LRRC37A2: variants seen among roughly 807,000 people sequenced by gnomAD.
The protein encoded by LRRC37A2 is leucine-rich repeat-containing protein 37A2.
In LRRC37A2, 9 loss-of-function variants were observed where a neutral mutation model predicts 68.8. The ratio of observed to expected loss-of-function variants is 0.13; its 90% CI spans 0.08 to 0.23. The LOEUF (loss-of-function observed/expected upper bound fraction) is 0.23. Among genes scored for constraint, LRRC37A2 ranks in the 10% least tolerant of loss-of-function variants. LRRC37A2 has a pLI of 1.00. For synonymous variants in LRRC37A2, 63 were observed against 367.6 expected (o/e 0.17, Z 9.48); for missense variants, 168 against 950.4 (o/e 0.18, Z 10.82).
At chr17:46,772,014 G>C in the LRRC37A2 span, among the ~76,000 whole-genome samples, 2 of 151,280 alleles carry the variant, frequency 1.3e-5, no homozygotes, top group African/African-American at 2.4e-5. Context: ...CGGGCTGCCC[G>C]ACCCGCTGCG....
chr17:46,757,400 T>C, the LRRC37A2 span: 1 of 152,740 alleles, frequency 6.5e-6, no homozygotes, highest in South Asian at 2.1e-4. Flanking sequence ...TGTCCAAAAC[T>C]GTATTGAAAA....
At chr17:46,957,137 C>T in the LRRC37A2 span, among the ~76,000 whole-genome samples, 3 of 152,018 alleles carry the variant, frequency 2.0e-5, no homozygotes, top group Non-Finnish European at 2.9e-5. Context: ...GGTGAAACCC[C>T]GTCTCTACAA....
the LRRC37A2 span, among the ~76,000 whole-genome samples, chr17:46,864,765 C>T: frequency 7.9e-5 from 12 of 152,292 alleles, no homozygotes; most frequent in African/African-American, 2.9e-4. Flanking sequence ...AGACCCAGCC[C>T]TGCTACCAAG....
chr17:46,877,624 C>T, the LRRC37A2 span, among the ~76,000 whole-genome samples: 1 of 152,190 alleles, frequency 6.6e-6, no homozygotes, highest in Non-Finnish European at 1.5e-5. Flanking sequence ...TTCCTGGTGC[C>T]TGGCAGTGAC....
chr17:47,044,941 G>A, the LRRC37A2 span, among the ~76,000 whole-genome samples: 1 of 150,364 alleles, frequency 6.7e-6, no homozygotes, highest in Non-Finnish European at 1.5e-5. Flanking sequence ...GAGCACAGGA[G>A]GCAGAGGCTG....
chr17:46,901,803 A>ATTTTTTTTTT, the LRRC37A2 span, among the ~76,000 whole-genome samples: 1 of 128,210 alleles, frequency 7.8e-6, no homozygotes, highest in African/African-American at 3.3e-5. Flanking sequence ...TGGAGCAAGA[A>ATTTTTTTTTT]TTTTTTTTTT....
chr17:46,960,025 C>T, the LRRC37A2 span, among the ~76,000 whole-genome samples: 1 of 152,188 alleles, frequency 6.6e-6, no homozygotes, highest in South Asian at 2.1e-4. Context: ...GCCAGGACAT[C>T]CAAAAGTTGT....
the LRRC37A2 span, among the ~76,000 whole-genome samples, chr17:46,490,139 T>G: frequency 4.6e-5 from 7 of 151,266 alleles, no homozygotes; most frequent in South Asian, 6.2e-4. Context: ...ATTGGCAAAC[T>G]TGTTCTTAGG....
At chr17:46,791,160 C>T in the LRRC37A2 span, among the ~76,000 whole-genome samples, 1 of 152,050 alleles carries the variant, frequency 6.6e-6, no homozygotes, top group Non-Finnish European at 1.5e-5. Flanking sequence ...CCACACCTTC[C>T]TTGGTTCTTG....
the LRRC37A2 span, chr17:46,979,026 G>C: frequency 7.2e-7 from 1 of 1,388,546 alleles, no homozygotes; most frequent in Non-Finnish European, 9.2e-7. Flanking sequence ...GGCGCCGGGG[G>C]TCTCGGCGCG....
At chr17:47,034,918 T>C in the LRRC37A2 span, 1 of 152,140 alleles carries the variant, frequency 6.6e-6, no homozygotes, top group Non-Finnish European at 1.5e-5. Context: ...CTTTGTAACA[T>C]CATCTTATTG....
chr17:47,000,088 AAAT>A, the LRRC37A2 span, among the ~76,000 whole-genome samples: 1,377 of 66,834 alleles, frequency 0.021, 126 homozygotes, highest in South Asian at 0.037. Flanking sequence ...AAATAAAATA[AAAT>A]AAAATAAAAT....
At chr17:46,927,710 G>A in the LRRC37A2 span, among the ~76,000 whole-genome samples, 4 of 152,150 alleles carry the variant, frequency 2.6e-5, no homozygotes, top group Non-Finnish European at 5.9e-5. Flanking sequence ...TGTAGGGTTT[G>A]CCTTTCCTTG....
chr17:46,533,496 C>CTT (rs1290324553), intron 6 of LRRC37A2, among the ~76,000 whole-genome samples: 25 of 141,548 alleles, frequency 1.8e-4, no homozygotes, highest in African/African-American at 4.8e-4. Context: ...GTATCTTTTT[C>CTT]TTTTTTTTTT....
chr17:46,865,236 A>G, the LRRC37A2 span, among the ~76,000 whole-genome samples: 6 of 152,166 alleles, frequency 3.9e-5, no homozygotes, highest in Non-Finnish European at 8.8e-5. Context: ...GATTGTTGAG[A>G]TGCAAAGCAT....
the LRRC37A2 span, chr17:46,923,250 G>T: frequency 3.4e-5 from 53 of 1,550,886 alleles, no homozygotes; most frequent in East Asian, 1.2e-3. Context: ...GCGGGCAGGG[G>T]CTAGACGAGG....
the LRRC37A2 span, chr17:46,931,624 G>A: frequency 3.5e-6 from 1 of 287,296 alleles, no homozygotes; most frequent in East Asian, 8.8e-5. Flanking sequence ...TGATACTCCA[G>A]CATGAAATTA....
chr17:46,695,339 A>G, the LRRC37A2 span, among the ~76,000 whole-genome samples: 1 of 117,296 alleles, frequency 8.5e-6, no homozygotes, highest in Non-Finnish European at 1.7e-5. Flanking sequence ...AATATATTGA[A>G]TAGTTGATGT....
chr17:46,885,522 C>G, the LRRC37A2 span: 2 of 153,080 alleles, frequency 1.3e-5, no homozygotes, highest in African/African-American at 4.8e-5. Flanking sequence ...AGGCTGGTCT[C>G]GAACTCCTGG....
Sources: gnomAD v4.1 joint callset for allele counts (sites outside exome capture counted in the v4.1 genomes callset) on GRCh38, gnomAD v4.1.1 for gene constraint, MANE v1.5 for transcripts, NCBI Gene and HGNC (gene_info 2026-07-23, HGNC 2026-07-21) for gene names.